Variants in MIPEP observed in about 807,000 individuals in gnomAD.
MIPEP encodes the protein mitochondrial intermediate peptidase.
Under a neutral mutation model 90.3 loss-of-function variants are expected in MIPEP, and 79 were observed. That is an observed-to-expected ratio of 0.87 (90% CI 0.73 to 1.05). The LOEUF (loss-of-function observed/expected upper bound fraction) is 1.05, where lower values mean the gene tolerates loss of function less well. Ranked by LOEUF, MIPEP falls within the 50% of genes least tolerant of loss-of-function variation. MIPEP has a pLI of 0.00. For missense variants in MIPEP, 940 were observed against 905.6 expected (o/e 1.04, Z -0.49); for synonymous variants, 334 against 315.8 (o/e 1.06, Z -0.61).
intron 18 of MIPEP, among the ~76,000 whole-genome samples, chr13:23,736,696 C>T (rs1952267775): frequency 6.6e-6 from 1 of 152,128 alleles, no homozygotes; most frequent in Admixed American, 6.5e-5. Context: ...TGCAGGAGGA[C>T]TTGACCTGCA....
intron 7 of MIPEP, among the ~76,000 whole-genome samples, chr13:23,866,681 T>C (rs1365426922): frequency 2.0e-5 from 3 of 152,164 alleles, no homozygotes; most frequent in Non-Finnish European, 4.4e-5. Context: ...CCTCTTAAAC[T>C]TGAAGGCCCC....
chr13:23,785,551 C>A (rs1407614264), intron 16 of MIPEP, among the ~76,000 whole-genome samples: 1 of 149,458 alleles, frequency 6.7e-6, no homozygotes. Flanking sequence ...GTGCAGCACA[C>A]CAACATGGCA....
chr13:23,808,062 T>C (rs1052911055), intron 15 of MIPEP, among the ~76,000 whole-genome samples: 4 of 151,924 alleles, frequency 2.6e-5, no homozygotes, highest in Non-Finnish European at 5.9e-5. Context: ...TTTAAAACAA[T>C]AATTTTAAAA....
At chr13:23,881,892 T>G (rs1871285395) in intron 2 of MIPEP, 105 bp from the exon 3 acceptor site, 1 of 815,602 alleles carries the variant, frequency 1.2e-6, no homozygotes, top group Admixed American at 2.1e-5. Context: ...GCCATTGGCT[T>G]GCCCTATGCA....
chr13:23,882,986 C>G (rs1871328320), intron 2 of MIPEP, among the ~76,000 whole-genome samples: 1 of 151,688 alleles, frequency 6.6e-6, no homozygotes, highest in Non-Finnish European at 1.5e-5. Flanking sequence ...TACATAAAAA[C>G]TGTATTAAAA....
intron 18 of MIPEP, among the ~76,000 whole-genome samples, chr13:23,733,197 G>A (rs1686145512): frequency 6.6e-6 from 1 of 152,216 alleles, no homozygotes; most frequent in South Asian, 2.1e-4. Context: ...AGTCAGTGTG[G>A]AGAACAGAAG....
At chr13:23,800,078 C>A (rs539284277) in intron 16 of MIPEP, among the ~76,000 whole-genome samples, 2 of 152,276 alleles carry the variant, frequency 1.3e-5, no homozygotes, top group East Asian at 3.9e-4. Flanking sequence ...GAGACACAGC[C>A]TCACCACCCA....
intron 18 of MIPEP, among the ~76,000 whole-genome samples, chr13:23,745,326 AT>A (rs991283237): frequency 2.0e-4 from 31 of 152,218 alleles, no homozygotes; most frequent in African/African-American, 7.0e-4. Flanking sequence ...TTTCTTTTAC[AT>A]TTAGTTGAAA....
intron 16 of MIPEP, among the ~76,000 whole-genome samples, chr13:23,800,157 G>C (rs536325012): frequency 6.6e-6 from 1 of 152,266 alleles, no homozygotes; most frequent in Non-Finnish European, 1.5e-5. Context: ...TCAAAACCTA[G>C]AGTCAGCTGT....
intron 7 of MIPEP, 100 bp downstream of exon 7, chr13:23,869,192 T>A (rs1404646892): frequency 9.5e-6 from 10 of 1,054,630 alleles, no homozygotes; most frequent in Non-Finnish European, 1.3e-5. Context: ...GTTCTCTACA[T>A]GTATTAAAAA....
At chr13:23,861,297 T>C (rs1475040563) in intron 9 of MIPEP, among the ~76,000 whole-genome samples, 2 of 152,236 alleles carry the variant, frequency 1.3e-5, no homozygotes, top group African/African-American at 4.8e-5. Flanking sequence ...AATTAGCTTT[T>C]GGCAACACAT....
chr13:23,855,863 T>C (rs1360559356), intron 10 of MIPEP, among the ~76,000 whole-genome samples: 1 of 152,226 alleles, frequency 6.6e-6, no homozygotes, highest in Non-Finnish European at 1.5e-5. Flanking sequence ...GACTACATTG[T>C]GTTCCCAGCA....
chr13:23,789,004 C>T (rs1040089788), intron 16 of MIPEP, among the ~76,000 whole-genome samples: 9 of 152,252 alleles, frequency 5.9e-5, no homozygotes, highest in Admixed American at 5.2e-4. Context: ...GACATGGTCT[C>T]GTCATGTTGC....
rs2138520880 is a variant in MIPEP, at chr13:23,763,623, C to A, written c.1849-3406G>T. ...CAGCTCATAACTGAGTTCCCACATCCCCCATAAACAGAGTTATAAAAATAA... is the reference window on the plus strand; with the variant it reads ...CAGCTCATAACTGAGTTCCCACATCACCCATAAACAGAGTTATAAAAATAA... On this transcript the variant is annotated intron_variant, in intron 16 of 18. Coordinates refer to ENST00000382172, the MANE Select transcript of MIPEP (RefSeq NM_005932.4). Among the ~76,000 whole-genome samples the A allele has an allele frequency of 2.0e-5, 3 of 152,250 alleles. 1 individual carries two copies. Among genetic ancestry groups the A allele is most frequent in the Middle Eastern group, 3.4e-3 (1 of 294 alleles).
intron 14 of MIPEP, among the ~76,000 whole-genome samples, chr13:23,811,340 A>G (rs748098535): frequency 3.9e-5 from 6 of 152,128 alleles, no homozygotes; most frequent in Non-Finnish European, 7.3e-5. Context: ...AACATGACTG[A>G]CTCCATCCTG....
chr13:23,755,973 G>A (rs1952487257), intron 18 of MIPEP, among the ~76,000 whole-genome samples: 1 of 151,548 alleles, frequency 6.6e-6, no homozygotes, highest in African/African-American at 2.4e-5. Context: ...AATTTTCTAA[G>A]AGTTTATGAC....
At chr13:23,831,269 A>T (rs893253895) in intron 14 of MIPEP, among the ~76,000 whole-genome samples, 1 of 151,536 alleles carries the variant, frequency 6.6e-6, no homozygotes, top group Non-Finnish European at 1.5e-5. Context: ...GGGCACAGAC[A>T]AATAGATCCT....
At chr13:23,774,678 G>A (rs1030905803) in intron 16 of MIPEP, among the ~76,000 whole-genome samples, 5 of 148,780 alleles carry the variant, frequency 3.4e-5, no homozygotes, top group Non-Finnish European at 4.6e-5. Flanking sequence ...TAAATAGAAC[G>A]GTCTTCTTAA....
chr13:23,785,755 C>T (rs1952833304), intron 16 of MIPEP, among the ~76,000 whole-genome samples: 1 of 151,938 alleles, frequency 6.6e-6, no homozygotes, highest in Non-Finnish European at 1.5e-5. Context: ...GTAAAAATTT[C>T]ATATTAAAAA....
Sources: gnomAD v4.1 joint callset for allele counts (sites outside exome capture counted in the v4.1 genomes callset) on GRCh38, gnomAD v4.1.1 for gene constraint, MANE v1.5 for transcripts, NCBI Gene and HGNC (gene_info 2026-07-23, HGNC 2026-07-21) for gene names.